Variants in CC2D2B observed in about 807,000 individuals in gnomAD.
CC2D2B encodes coiled-coil and C2 domain containing 2B, also known as protein CC2D2B.
In CC2D2B, 128 loss-of-function variants were observed where a neutral mutation model predicts 161.2. The ratio of observed to expected loss-of-function variants is 0.79; its 90% CI spans 0.69 to 0.92. The LOEUF (loss-of-function observed/expected upper bound fraction) is 0.92, where lower values mean the gene tolerates loss of function less well. Among genes scored for constraint, CC2D2B ranks in the 40% least tolerant of loss-of-function variants. The pLI, the probability that CC2D2B is intolerant of heterozygous loss-of-function variation, is 0.00. For missense variants in CC2D2B, 1,173 were observed against 1,375.1 expected (o/e 0.85, Z 2.32); for synonymous variants, 391 against 449.8 (o/e 0.87, Z 1.65).
chr10:95,974,776 G>A (rs1435512496), intron 17 of CC2D2B, among the ~76,000 whole-genome samples: 1 of 152,116 alleles, frequency 6.6e-6, no homozygotes, highest in Non-Finnish European at 1.5e-5. Context: ...ATAACTTATG[G>A]CATTCTAGAA....
chr10:95,995,561 A>C (rs1451594181), intron 23 of CC2D2B, among the ~76,000 whole-genome samples, 196 bp downstream of exon 23: 1 of 152,214 alleles, frequency 6.6e-6, no homozygotes, highest in African/African-American at 2.4e-5. Context: ...GATAAGGTGT[A>C]AGCTCCTTAA....
chr10:95,966,267 C>CTTGTTAAT lies in CC2D2B; in HGVS notation c.1431_1432insTTGTTAAT (p.Thr478LeufsTer7), dbSNP rs2076937160. 9 of 1,220,808 alleles carry CTTGTTAAT rather than the reference C, an allele frequency of 7.4e-6. No individual in the cohort carries two copies. The South Asian group carries it at 3.7e-4, about 51-fold the overall frequency. 75.6% of individuals were successfully genotyped at this position (1,220,808 alleles called of 1,614,324 possible). On this transcript the variant is annotated frameshift_variant, in exon 14 of 35. Transcript: ENST00000646931. LOFTEE classifies it high-confidence loss of function. The stretch of plus-strand genomic sequence containing the variant: ...TTACCTTGAGGCCACAACTTTCTTT[C>CTTGTTAAT]ACTGCAGAATTAACAAGCTTATCCA...
At chr10:95,947,348 G>C (rs1195097781) in intron 9 of CC2D2B, among the ~76,000 whole-genome samples, 1 of 150,764 alleles carries the variant, frequency 6.6e-6, no homozygotes, top group Non-Finnish European at 1.5e-5. Flanking sequence ...CTTGACCTCA[G>C]GTGGTCCACC....
At chr10:95,937,270 C>T (rs909479292) in intron 6 of CC2D2B, among the ~76,000 whole-genome samples, 16 of 152,070 alleles carry the variant, frequency 1.1e-4, no homozygotes, top group Non-Finnish European at 1.6e-4. Flanking sequence ...GGATTTTTGT[C>T]TGACTCACAC....
chr10:96,011,036 T>C (rs1261049446), intron 26 of CC2D2B, among the ~76,000 whole-genome samples: 1 of 152,216 alleles, frequency 6.6e-6, no homozygotes, highest in Non-Finnish European at 1.5e-5. Flanking sequence ...AGTACATAAA[T>C]GGCTGCCATC....
rs367866362 is a variant in CC2D2B at position 95,910,465 on chromosome 10, G to C, written c.-23-836G>C. 1.3e-3 allele frequency among the ~76,000 whole-genome samples: 200 copies of C among 152,144 alleles called. 2 individuals carry two copies. Among genetic ancestry groups the C allele is most frequent in the African/African-American group, 4.4e-3 (183 of 41,510 alleles). ...GCAAGAGAGGAAATAAAGGAAGGAG[G>C]GGGGAGGTCCTAGACAGACTCTTTT... On this transcript the variant is annotated intron_variant, in intron 1 of 34. Transcript: ENST00000646931.
Position 96,000,109 on chromosome 10 carries a change from T to C in CC2D2B, c.2849+3857T>C, listed in dbSNP as rs565782798. The C allele has an allele frequency of 2.6e-5, 39 of 1,492,730 alleles. No homozygotes were observed. The African/African-American group carries it at 4.3e-4, about 17-fold the overall frequency. 92.5% of individuals were successfully genotyped at this position (1,492,730 alleles called of 1,614,324 possible). On this transcript the variant is annotated intron_variant, in intron 24 of 34. Transcript: ENST00000646931. ...TGTGGGCATTCCTTTTTAAACAATA[T>C]CCATTCTCTTGATGTCTACAATATC...
intron 30 of CC2D2B, 189 bp from the exon 31 acceptor site, chr10:96,019,014 C>A: frequency 2.0e-6 from 1 of 488,744 alleles, no homozygotes; most frequent in Non-Finnish European, 3.5e-6. Flanking sequence ...CTTATGTTGC[C>A]CAGGCTGGTC....
chr10:95,959,662 C>T (rs1242441550), intron 11 of CC2D2B, among the ~76,000 whole-genome samples: 1 of 151,854 alleles, frequency 6.6e-6, no homozygotes, highest in African/African-American at 2.4e-5. Context: ...TACATTATAA[C>T]CAAATTTGGA....
chr10:95,939,513 A>G (rs2075949141), intron 9 of CC2D2B, among the ~76,000 whole-genome samples: 1 of 148,476 alleles, frequency 6.7e-6, no homozygotes, highest in Non-Finnish European at 1.5e-5. Flanking sequence ...CAGAGTAGAA[A>G]TGCTGGGTTA....
chr10:95,993,832 GTGTA>G (rs1191452613), intron 22 of CC2D2B, among the ~76,000 whole-genome samples: 6 of 91,436 alleles, frequency 6.6e-5, no homozygotes, highest in Admixed American at 5.7e-4. Context: ...TATATAAAGA[GTGTA>G]TATATATATA....
intron 33 of CC2D2B, among the ~76,000 whole-genome samples, chr10:96,025,186 A>T (rs373934859): frequency 0.12 from 4,735 of 41,042 alleles, 229 homozygotes; most frequent in Non-Finnish European, 0.17. Context: ...TATATATATA[A>T]AAAAAAATAT....
chr10:95,976,582 T>C (rs2077322087), intron 17 of CC2D2B, among the ~76,000 whole-genome samples: 1 of 152,164 alleles, frequency 6.6e-6, no homozygotes, highest in Admixed American at 6.5e-5. Flanking sequence ...TTCTAGGAAT[T>C]GGGATGGGTG....
At chr10:95,944,586 AAAC>A (rs1447105248) in intron 9 of CC2D2B, among the ~76,000 whole-genome samples, 1 of 152,224 alleles carries the variant, frequency 6.6e-6, no homozygotes, top group Non-Finnish European at 1.5e-5. Context: ...GAGGCCTTTG[AAAC>A]AACAACAATT....
intron 31 of CC2D2B, 90 bp from the exon 32 acceptor site, chr10:96,019,612 G>A (rs1385363862): frequency 6.2e-6 from 8 of 1,285,364 alleles, no homozygotes; most frequent in East Asian, 4.9e-5. Flanking sequence ...TCATTGAGTA[G>A]TAAGACTGTA....
chr10:95,994,001 A>G (rs1229717537), intron 22 of CC2D2B, among the ~76,000 whole-genome samples: 3 of 108,252 alleles, frequency 2.8e-5, no homozygotes, highest in Non-Finnish European at 5.7e-5. Flanking sequence ...TATATATAGT[A>G]CAGTCCAGCC....
chr10:96,011,537 G>C (rs1325389759), intron 26 of CC2D2B, among the ~76,000 whole-genome samples: 1 of 152,104 alleles, frequency 6.6e-6, no homozygotes, highest in Non-Finnish European at 1.5e-5. Context: ...TAAGCACTCA[G>C]TAACTATTAG....
At position 96,026,229 on chromosome 10, in the gene CC2D2B, C is replaced by T. The variant is rs115660549; in HGVS notation, c.3948-983C>T. 2.7e-3 allele frequency among the ~76,000 whole-genome samples: 407 copies of T among 152,298 alleles called. 5 individuals are homozygous for T. Among genetic ancestry groups the T allele is most frequent in the African/African-American group, 9.5e-3 (395 of 41,564 alleles). On this transcript the variant is annotated intron_variant, in intron 33 of 34. Transcript: ENST00000646931. ...CTGCAGTTAGAGAATCAATGCCACACAATCATCCTGCACAGAGAGGCTTTT... is the reference window on the plus strand; with the variant it reads ...CTGCAGTTAGAGAATCAATGCCACATAATCATCCTGCACAGAGAGGCTTTT...
intron 2 of CC2D2B, chr10:95,920,581 T>C (rs1353097986): frequency 1.3e-5 from 2 of 151,946 alleles, no homozygotes; most frequent in Non-Finnish European, 2.9e-5. Flanking sequence ...GTCATTTTAC[T>C]CTTCCTCCTC....
Sources: gnomAD v4.1 joint callset for allele counts (sites outside exome capture counted in the v4.1 genomes callset) on GRCh38, gnomAD v4.1.1 for gene constraint, MANE v1.5 for transcripts, NCBI Gene and HGNC (gene_info 2026-07-23, HGNC 2026-07-21) for gene names.